Variants in FBN2 observed in about 807,000 individuals in gnomAD.
FBN2 encodes fibrillin-2.
FBN2 carries 105 observed loss-of-function variants against 355.6 expected under a neutral mutation model. That is an observed-to-expected ratio of 0.30 (90% CI 0.25 to 0.35). The LOEUF is 0.35. Among genes scored for constraint, FBN2 ranks in the 10% least tolerant of loss-of-function variants. The probability of loss-of-function intolerance (pLI) is 1.00; values close to 1 mark genes in which losing one functional copy is unlikely to be tolerated. For missense variants in FBN2, 3,280 were observed against 3,758.7 expected (o/e 0.87, Z 3.33); for synonymous variants, 1,350 against 1,301.2 (o/e 1.04, Z -0.81).
chr5:128,436,964 G>A (rs1179747778), intron 7 of FBN2, among the ~76,000 whole-genome samples: 2 of 152,144 alleles, frequency 1.3e-5, no homozygotes, highest in Non-Finnish European at 2.9e-5. Flanking sequence ...GCAACAGTAA[G>A]CCAAAACAAG....
intron 2 of FBN2, among the ~76,000 whole-genome samples, chr5:128,532,886 A>G (rs1187376116): frequency 6.6e-6 from 1 of 152,124 alleles, no homozygotes; most frequent in Non-Finnish European, 1.5e-5. Context: ...AAATTTTTTT[A>G]AAAATTAGCC....
At chr5:128,469,101 A>G (rs1028916053) in intron 5 of FBN2, among the ~76,000 whole-genome samples, 3 of 152,190 alleles carry the variant, frequency 2.0e-5, no homozygotes, top group Non-Finnish European at 2.9e-5. Context: ...AAAAAAGTGA[A>G]TAAGAAAGAG....
intron 8 of FBN2, among the ~76,000 whole-genome samples, chr5:128,402,032 T>A (rs1366111920): frequency 6.6e-6 from 1 of 152,156 alleles, no homozygotes; most frequent in Non-Finnish European, 1.5e-5. Context: ...CATACACTGG[T>A]GTAGCATCTC....
rs547811908 is a variant in FBN2 at position 128,278,046 on chromosome 5, T to C, written c.7346-41A>G. ...ACAAAAACAATCAGGAGTTAACATATATGCAAGGGTAAAACTGGTTAGAAT... is the reference window on the plus strand; with the variant it reads ...ACAAAAACAATCAGGAGTTAACATACATGCAAGGGTAAAACTGGTTAGAAT... On this transcript the variant is annotated intron_variant, in intron 57 of 64. Coordinates refer to ENST00000262464, the MANE Select transcript of FBN2 (RefSeq NM_001999.4). 31 of 1,607,396 alleles carry C rather than the reference T, an allele frequency of 1.9e-5. No homozygotes were observed. The African/African-American group carries it at 2.3e-4, about 12-fold the overall frequency.
intron 5 of FBN2, among the ~76,000 whole-genome samples, chr5:128,485,505 T>C (rs1209189756): frequency 6.6e-6 from 1 of 152,140 alleles, no homozygotes; most frequent in East Asian, 1.9e-4. Context: ...AGTCCTAATA[T>C]GTTTGAACAA....
chr5:128,526,284 T>G (rs1756558422), intron 4 of FBN2, among the ~76,000 whole-genome samples: 1 of 152,086 alleles, frequency 6.6e-6, no homozygotes, highest in Admixed American at 6.6e-5. Flanking sequence ...AGTGGAGCCC[T>G]TGTGCACTGC....
chr5:128,311,505 G>T, intron 38 of FBN2, 80 bp from the exon 39 acceptor site: 1 of 1,464,136 alleles, frequency 6.8e-7, no homozygotes, highest in South Asian at 1.2e-5. Context: ...TCAAAAGTGT[G>T]ATCTTGTAAG....
intron 6 of FBN2, among the ~76,000 whole-genome samples, chr5:128,463,121 T>C (rs576741354): frequency 2.6e-5 from 4 of 151,930 alleles, no homozygotes; most frequent in Non-Finnish European, 4.4e-5. Context: ...TATAGTAGAG[T>C]ATTTTATTTT....
chr5:128,284,341 T>C (rs749558399), intron 55 of FBN2, among the ~76,000 whole-genome samples: 1 of 152,164 alleles, frequency 6.6e-6, no homozygotes, highest in Non-Finnish European at 1.5e-5. Flanking sequence ...TGAACCTAGA[T>C]TGCTAACATT....
At position 128,307,195 on chromosome 5, in the gene FBN2, T is replaced by C; in HGVS notation, c.5362A>G (p.Lys1788Glu). Residue 1788 changes from lysine (K) to glutamate (E), a missense_variant, in exon 42 of 65, where the codon AAA becomes GAA. By Grantham distance (56) the Lys-to-Glu change is moderately conservative. Transcript: ENST00000262464. ...PCPTPGTADF[K>E]TICGNIPGFT... The stretch of plus-strand genomic sequence containing the variant: ...CCAGGAATATTTCCACATATGGTTT[T>C]AAAGTCAGCTTTAAAATATAAACAA... 6.2e-7 allele frequency: 1 copy of C among 1,601,132 alleles called. No homozygotes were observed. The highest frequency in any genetic ancestry group is 1.1e-5 in the South Asian group (1 of 90,856).
At chr5:128,492,213 T>C (rs1561483412) in intron 5 of FBN2, among the ~76,000 whole-genome samples, 1 of 152,314 alleles carries the variant, frequency 6.6e-6, no homozygotes, top group East Asian at 1.9e-4. Flanking sequence ...AGAACTCTTC[T>C]TGCTCTTCCT....
chr5:128,300,997 T>G, intron 47 of FBN2, 61 bp from the exon 48 acceptor site: 1 of 1,511,842 alleles, frequency 6.6e-7, no homozygotes, highest in South Asian at 1.1e-5. Context: ...CATAGATTTA[T>G]CTGTCTGCCA....
At chr5:128,347,971 G>GA (rs1467803131) in intron 23 of FBN2, among the ~76,000 whole-genome samples, 6 of 142,846 alleles carry the variant, frequency 4.2e-5, no homozygotes, top group Non-Finnish European at 9.3e-5. Flanking sequence ...TAGAGACGGG[G>GA]AGGGGGGGGT....
chr5:128,458,693 TGACTCCTGGGTAAATACTGAAA>T (rs1350511570), intron 6 of FBN2, among the ~76,000 whole-genome samples: 5 of 152,126 alleles, frequency 3.3e-5, no homozygotes, highest in Non-Finnish European at 5.9e-5. Context: ...TGCTCCTGAA[TGACTCCTGGGTAAATACTGAAA>T]GTAAGGCGGA....
intron 21 of FBN2, 122 bp from the exon 22 acceptor site, chr5:128,350,127 G>A (rs919810209): frequency 1.2e-6 from 1 of 813,972 alleles, no homozygotes; most frequent in Non-Finnish European, 2.1e-6. Flanking sequence ...CAGGGTCTTA[G>A]GGTCCAAGGA....
chr5:128,529,474 T>C (rs1756649601), intron 3 of FBN2, among the ~76,000 whole-genome samples: 2 of 152,176 alleles, frequency 1.3e-5, no homozygotes, highest in Non-Finnish European at 2.9e-5. Flanking sequence ...TTGGGAGGGT[T>C]AGAAAAGTTC....
At chr5:128,286,071 A>C (rs1382757816) in intron 55 of FBN2, among the ~76,000 whole-genome samples, 1 of 152,122 alleles carries the variant, frequency 6.6e-6, no homozygotes, top group African/African-American at 2.4e-5. Context: ...ATGACTTAGG[A>C]GTTTAGGTTA....
intron 48 of FBN2, among the ~76,000 whole-genome samples, chr5:128,299,507 C>T (rs1215565334): frequency 2.0e-5 from 3 of 151,508 alleles, no homozygotes; most frequent in African/African-American, 4.9e-5. Flanking sequence ...GAGCCATGTG[C>T]GGGATATAAT....
intron 62 of FBN2, among the ~76,000 whole-genome samples, chr5:128,264,744 CA>C (rs1382587100): frequency 1.4e-4 from 21 of 152,122 alleles, no homozygotes; most frequent in African/African-American, 5.1e-4. Context: ...GTATATATTT[CA>C]GCCCATGTGG....
Sources: gnomAD v4.1 joint callset for allele counts (sites outside exome capture counted in the v4.1 genomes callset) on GRCh38, gnomAD v4.1.1 for gene constraint, MANE v1.5 for transcripts, NCBI Gene and HGNC (gene_info 2026-07-23, HGNC 2026-07-21) for gene names.